Variants in GPR179 observed in about 807,000 individuals in gnomAD.
GPR179 encodes probable G protein-coupled receptor 179.
A neutral mutation model predicts 70.8 loss-of-function variants in GPR179; 52 were observed. That is an observed-to-expected ratio of 0.73 (90% CI 0.59 to 0.93). The LOEUF (loss-of-function observed/expected upper bound fraction) is 0.93. Ranked by LOEUF, GPR179 falls within the 40% of genes least tolerant of loss-of-function variation. The pLI is 0.00. For missense variants in GPR179, 2,734 were observed against 2,966.8 expected (o/e 0.92, Z 1.82); for synonymous variants, 1,123 against 1,169.0 (o/e 0.96, Z 0.80).
intron 5 of GPR179, 117 bp downstream of exon 5, chr17:38,335,959 T>A: frequency 1.2e-6 from 1 of 808,296 alleles, no homozygotes; most frequent in Non-Finnish European, 2.2e-6. Flanking sequence ...GTAGGGGAAA[T>A]CTGTGGTCTC....
At chr17:38,337,880 T>C (rs1447490764) in intron 2 of GPR179, among the ~76,000 whole-genome samples, 160 bp from the exon 3 acceptor site, 1 of 152,212 alleles carries the variant, frequency 6.6e-6, no homozygotes, top group East Asian at 1.9e-4. Context: ...TTGGGAAGCC[T>C]TCCCTCTGTG....
rs371603020 is a variant in GPR179 at position 38,327,994 on chromosome 17, C to T, written c.5575G>A (p.Val1859Ile). ...CACAGTTTTGCCATCCCTTTTGATA[C>T]GTCTTCTCCCAGGGAAGTGAGTCTC... ...KGRLTSLGED[V>I]SKGMAKLCQQ... Residue 1859 changes from valine (V) to isoleucine (I), a missense_variant, in exon 11 of 11, where the codon GTA becomes ATA. Physicochemically the swap from Val to Ile is conservative, Grantham distance 29. Coordinates refer to ENST00000616987, the MANE Select transcript of GPR179 (RefSeq NM_001004334.4). 10 of 1,613,974 alleles carry T rather than the reference C, an allele frequency of 6.2e-6. No individual in the cohort carries two copies. Among genetic ancestry groups the T allele is most frequent in the Middle Eastern group, 1.6e-4 (1 of 6,084 alleles).
intron 2 of GPR179, among the ~76,000 whole-genome samples, chr17:38,338,635 C>T (rs1483079442): frequency 2.6e-5 from 4 of 152,228 alleles, no homozygotes; most frequent in Admixed American, 2.6e-4. Context: ...TAGCTGCAGA[C>T]ACATGTGCCC....
intron 2 of GPR179, 118 bp from the exon 3 acceptor site, chr17:38,337,838 T>A: frequency 1.2e-6 from 1 of 825,852 alleles, no homozygotes; most frequent in Non-Finnish European, 2.0e-6. Flanking sequence ...GGGTCCACAC[T>A]AGGGAATCCC....
At position 38,330,168 on chromosome 17, in the gene GPR179, C is replaced by A; in HGVS notation, c.3401G>T (p.Arg1134Leu). 1 of 1,577,398 alleles carries A rather than the reference C, an allele frequency of 6.3e-7. No homozygotes were observed. The highest frequency in any genetic ancestry group is 1.4e-5 in the African/African-American group (1 of 73,932). Residue 1134 changes from arginine to leucine, a missense_variant, in exon 11 of 11, where the codon CGG (arginine) becomes CTG (leucine). Arg to Leu is a moderately radical substitution (Grantham distance 102, BLOSUM62 -2). Transcript: ENST00000616987. ...GGCCTGCTTACTCACCGCCTTGGGCCGGCCTAGCCTGGGCGATCGGGAGGG... is the reference window on the plus strand; with the variant it reads ...GGCCTGCTTACTCACCGCCTTGGGCAGGCCTAGCCTGGGCGATCGGGAGGG... ...GAPSRSPRLGRPKAVSKQAAL... is the reference protein window; with the variant it reads ...GAPSRSPRLGLPKAVSKQAAL...
rs764207680 is a variant in GPR179 at position 38,329,430 on chromosome 17, G to A, written c.4139C>T (p.Pro1380Leu). Residue 1380 changes from proline to leucine, a missense_variant, in exon 11 of 11, where the codon CCG (proline) becomes CTG (leucine). Transcript: ENST00000616987. ...TCCTTCACTTGCCTCCCAGGGACAC[G>A]GCTCTGCCTTGGTGATGTCAGGGGT... ...AHTPDITKAE[P>L]CPWEASEGGE... The A allele has an allele frequency of 1.4e-5, 23 of 1,613,740 alleles. No homozygotes were observed. The highest frequency in any genetic ancestry group is 1.7e-5 in the Admixed American group (1 of 59,966).
rs376028313 is a variant in GPR179 at position 38,334,764 on chromosome 17, C to T, written c.1724G>A (p.Arg575His). Residue 575 changes from arginine to histidine, a missense_variant, in exon 8 of 11, where the codon CGC becomes CAC. By Grantham distance (29) the Arg-to-His change is conservative. Transcript: ENST00000616987. This position sits in a 1 kb window ranked among gnomAD's most constrained non-coding sequence, Gnocchi z 4.7. ...RAVLSAFHEP[R>H]YMGIALHNEL... ...ATTGTGCAGGGCGATGCCCATGTAG[C>T]GTGGCTCATGGAAGGCCGAGAGCAC... The T allele has an allele frequency of 3.0e-5, 49 of 1,613,634 alleles. No homozygotes were observed. Among genetic ancestry groups the T allele is most frequent in the Non-Finnish European group, 3.9e-5 (46 of 1,179,982 alleles).
In GPR179 at chr17:38,343,083, C is replaced by T. The variant is rs1448414936; in HGVS notation, c.707G>A (p.Cys236Tyr). The T allele has an allele frequency of 6.2e-7, 1 of 1,614,040 alleles. No homozygotes were observed. The highest frequency in any genetic ancestry group is 8.5e-7 in the Non-Finnish European group (1 of 1,179,994). Residue 236 changes from cysteine (C) to tyrosine (Y), a missense_variant, in exon 1 of 11, where the codon TGC becomes TAC. By Grantham distance (194) the Cys-to-Tyr change is radical. Coordinates refer to ENST00000616987, the MANE Select transcript of GPR179 (RefSeq NM_001004334.4). The surrounding 1 kb of genome is among the most constrained non-coding windows in gnomAD (Gnocchi z 4.2). ...QVRLSPPFLE[C>Y]QEGRLRPGWL... ...TCCAGGTCGGAGCCGTCCCTCCTGG[C>T]ATTCCAGGAAAGGAGGAGACAGCCT...
At position 38,330,024 on chromosome 17, in the gene GPR179, C is replaced by A; in HGVS notation, c.3545G>T (p.Arg1182Met). The A allele has an allele frequency of 6.2e-7, 1 of 1,614,246 alleles. No homozygotes were observed. The highest frequency in any genetic ancestry group is 8.5e-7 in the Non-Finnish European group (1 of 1,180,046). The change falls in exon 11 of 11, where the codon AGG becomes ATG. Residue 1182 changes from arginine to methionine, a missense_variant. Arg to Met is a moderately conservative substitution (Grantham distance 91, BLOSUM62 -1). Coordinates refer to ENST00000616987, the MANE Select transcript of GPR179 (RefSeq NM_001004334.4). ...GSREQEDRGRRMTQGLGERKA... is the reference protein window; with the variant it reads ...GSREQEDRGRMMTQGLGERKA... Reference sequence around the variant, plus strand: ...CCGTTCCCCTAGACCCTGGGTCATCCTCCTGCCTCTGTCTTCTTGTTCCCT... The same window carrying A: ...CCGTTCCCCTAGACCCTGGGTCATCATCCTGCCTCTGTCTTCTTGTTCCCT...
chr17:38,337,574 A>G, intron 3 of GPR179, 59 bp downstream of exon 3: 1 of 1,431,184 alleles, frequency 7.0e-7, no homozygotes. Context: ...CCCCAGATGT[A>G]CCCTCCCAAC....
chr17:38,337,803 A>G, intron 2 of GPR179, 83 bp from the exon 3 acceptor site: 2 of 1,180,800 alleles, frequency 1.7e-6, no homozygotes, highest in Non-Finnish European at 2.5e-6. Flanking sequence ...TGGAGGGTCC[A>G]TCTACCTCCC....
In GPR179 at chr17:38,337,536, C is replaced by T. The variant is rs111411302; in HGVS notation, c.991+97G>A. The T allele has an allele frequency of 5.2e-3, 5,639 of 1,078,588 alleles. 183 individuals are homozygous for T. In the African/African-American group the frequency reaches 0.08, roughly 15 times the overall value. The allele number at this position is 1,078,588 out of a possible 1,614,324, so 66.8% of individuals were successfully genotyped here. On this transcript the variant is annotated intron_variant, in intron 3 of 10. Transcript: ENST00000616987. ...TGCCCTTGCCCCACAAGTTCCCTCCCAGTGTCTCACCCCAATCTGGCTTTC... is the reference window on the plus strand; with the variant it reads ...TGCCCTTGCCCCACAAGTTCCCTCCTAGTGTCTCACCCCAATCTGGCTTTC...
chr17:38,338,345 T>A (rs2037423576), intron 2 of GPR179, among the ~76,000 whole-genome samples: 1 of 152,182 alleles, frequency 6.6e-6, no homozygotes. Context: ...GCAGGGAATA[T>A]GAACAAATGA....
At chr17:38,337,557 C>T in intron 3 of GPR179, 76 bp downstream of exon 3, 2 of 1,309,966 alleles carry the variant, frequency 1.5e-6, no homozygotes, top group Non-Finnish European at 2.2e-6. Context: ...CCCAATCTGG[C>T]TTTCTTCCCC....
In GPR179 at chr17:38,330,151, T is replaced by C; in HGVS notation, c.3418A>G (p.Lys1140Glu). Reference protein sequence around the residue: ...PRLGRPKAVSKQAALIPSDDK... With the variant: ...PRLGRPKAVSEQAALIPSDDK... Reference sequence around the variant, plus strand: ...TCGGAGGGGATAAGAGCGGCCTGCTTACTCACCGCCTTGGGCCGGCCTAGC... The same window carrying C: ...TCGGAGGGGATAAGAGCGGCCTGCTCACTCACCGCCTTGGGCCGGCCTAGC... Residue 1140 changes from lysine to glutamate, a missense_variant, in exon 11 of 11, where the codon AAG becomes GAG. Transcript: ENST00000616987. 6.3e-7 allele frequency: 1 copy of C among 1,589,732 alleles called. No homozygotes were observed.
Position 38,334,043 on chromosome 17 carries a change from G to A in GPR179, c.1785-5C>T. ...AGAGAGGGAACCAGCACAAACCTGG[G>A]GCGGGATAGGGGCGCAGGTCATTAC... is the stretch of plus-strand genomic sequence containing the variant. On this transcript the variant is annotated splice_polypyrimidine_tract_variant and splice_region_variant and intron_variant, in intron 8 of 10. Transcript: ENST00000616987. The surrounding 1 kb of genome is among the most constrained non-coding windows in gnomAD (Gnocchi z 4.7). 6.2e-7 allele frequency: 1 copy of A among 1,605,390 alleles called. No individual in the cohort carries two copies. The highest frequency in any genetic ancestry group is 8.5e-7 in the Non-Finnish European group (1 of 1,172,188).
chr17:38,336,851 T>C, intron 4 of GPR179, 127 bp downstream of exon 4: 5 of 981,620 alleles, frequency 5.1e-6, no homozygotes, highest in South Asian at 4.9e-5. Context: ...TGCATCATGC[T>C]ACACAGTGAG....
chr17:38,336,936 A>G (rs1338686335), intron 4 of GPR179, 42 bp downstream of exon 4: 1 of 1,533,362 alleles, frequency 6.5e-7, no homozygotes, highest in Non-Finnish European at 8.8e-7. Context: ...TCCAGTTGAG[A>G]TGGGTCGGAC....
Position 38,324,613 on chromosome 17 carries a change from C to T in GPR179, c.*1852G>A, listed in dbSNP as rs1233936476. On this transcript the variant is annotated 3_prime_UTR_variant, in exon 11 of 11. Coordinates refer to ENST00000616987, the MANE Select transcript of GPR179 (RefSeq NM_001004334.4). ...TTATTTCCGCCCCGCCCCCCCCACC[C>T]CATGGTTTATTTCACAAGAGTGTGT... Among the ~76,000 whole-genome samples the T allele has an allele frequency of 6.6e-6, 1 of 150,786 alleles. No homozygotes were observed. Among genetic ancestry groups the T allele is most frequent in the Non-Finnish European group, 1.5e-5 (1 of 67,794 alleles).
Sources: allele counts gnomAD v4.1 joint callset (sites outside exome capture counted in the v4.1 genomes callset), GRCh38; gene constraint gnomAD v4.1.1; non-coding constraint Gnocchi (gnomAD v3.1); transcripts MANE v1.5; gene names NCBI Gene and HGNC (gene_info 2026-07-23, HGNC 2026-07-21).